Variants in NHEJ1 observed in about 807,000 individuals in gnomAD.
The protein encoded by NHEJ1 is non-homologous end-joining factor 1.
NHEJ1 carries 22 observed loss-of-function variants against 39.4 expected under a neutral mutation model. The ratio of observed to expected loss-of-function variants is 0.56; its 90% CI spans 0.40 to 0.80. The LOEUF is 0.80. NHEJ1 is among the 30% of genes least tolerant of loss of function. The probability of loss-of-function intolerance (pLI) is 0.00; values close to 1 mark genes in which losing one functional copy is unlikely to be tolerated. For missense variants in NHEJ1, 329 were observed against 357.1 expected, an observed-to-expected ratio of 0.92 and a Z score of 0.63; for synonymous variants, 154 against 135.6, an observed-to-expected ratio of 1.14 and a Z score of -0.94.
At chr2:219,079,903 G>A (rs1319428510) in intron 5 of NHEJ1, among the ~76,000 whole-genome samples, 3 of 152,154 alleles carry the variant, frequency 2.0e-5, no homozygotes, top group Non-Finnish European at 4.4e-5. Context: ...CTCTCTTAGG[G>A]TCACTCATAC....
At chr2:219,095,024 C>T (rs567317875) in intron 5 of NHEJ1, among the ~76,000 whole-genome samples, 10 of 152,260 alleles carry the variant, frequency 6.6e-5, no homozygotes, top group African/African-American at 2.2e-4. Flanking sequence ...TAACAACACC[C>T]CACTCCATCC....
At chr2:219,151,120 C>T (rs1949791282) in intron 3 of NHEJ1, among the ~76,000 whole-genome samples, 1 of 132,060 alleles carries the variant, frequency 7.6e-6, no homozygotes, top group African/African-American at 3.0e-5. Flanking sequence ...AGAGTGAGAC[C>T]TTATCTCAAA....
At chr2:219,095,508 A>T (rs1249635208) in intron 5 of NHEJ1, among the ~76,000 whole-genome samples, 2 of 152,202 alleles carry the variant, frequency 1.3e-5, no homozygotes, top group African/African-American at 4.8e-5. Flanking sequence ...CATTCCCCAT[A>T]TAACTGAAAC....
intron 5 of NHEJ1, among the ~76,000 whole-genome samples, chr2:219,131,195 T>C (rs1339970280): frequency 6.6e-6 from 1 of 151,938 alleles, no homozygotes; most frequent in South Asian, 2.1e-4. Context: ...GGGAGGGAAA[T>C]AGATACATGA....
intron 5 of NHEJ1, among the ~76,000 whole-genome samples, chr2:219,146,346 C>A (rs1949739241): frequency 6.6e-6 from 1 of 152,182 alleles, no homozygotes; most frequent in African/African-American, 2.4e-5. Flanking sequence ...ACAGTCCAGA[C>A]CTTACGACCA....
At chr2:219,085,365 C>T (rs1467132051) in intron 5 of NHEJ1, among the ~76,000 whole-genome samples, 1 of 152,216 alleles carries the variant, frequency 6.6e-6, no homozygotes, top group Non-Finnish European at 1.5e-5. Flanking sequence ...TTTGTCCTCA[C>T]AGAATACCCC....
intron 3 of NHEJ1, among the ~76,000 whole-genome samples, chr2:219,152,942 ACAGG>A (rs1949811795): frequency 6.6e-6 from 1 of 152,018 alleles, no homozygotes. Context: ...AGCTGAGATT[ACAGG>A]CATGCACCAC....
intron 5 of NHEJ1, among the ~76,000 whole-genome samples, chr2:219,137,570 CAAAAAAAAA>C (rs58279021): frequency 1.4e-4 from 5 of 34,728 alleles, no homozygotes; most frequent in Non-Finnish European, 2.5e-4. Flanking sequence ...GTGTTACAGG[CAAAAAAAAA>C]AAAAAAAAAA....
At chr2:219,141,918 T>C (rs1949695420) in intron 5 of NHEJ1, among the ~76,000 whole-genome samples, 1 of 152,058 alleles carries the variant, frequency 6.6e-6, no homozygotes, top group Non-Finnish European at 1.5e-5. Context: ...AAGATGGCAA[T>C]TTTCAAGTTA....
At chr2:219,157,136 T>C (rs73991401) in intron 3 of NHEJ1, among the ~76,000 whole-genome samples, 2,554 of 152,332 alleles carry the variant, frequency 0.017, 76 homozygotes, top group African/African-American at 0.058. Flanking sequence ...TCATACTTTA[T>C]CATAATTTCC....
At chr2:219,150,247 A>C (rs913483994) in intron 3 of NHEJ1, among the ~76,000 whole-genome samples, 16 of 152,216 alleles carry the variant, frequency 1.1e-4, no homozygotes, top group Admixed American at 6.5e-5. Flanking sequence ...GTGGGAAGAA[A>C]GGAAGTTAGT....
chr2:219,107,628 C>T (rs993651034), intron 5 of NHEJ1, among the ~76,000 whole-genome samples: 4 of 152,136 alleles, frequency 2.6e-5, no homozygotes, highest in Non-Finnish European at 5.9e-5. Flanking sequence ...CTTAGTTGCT[C>T]CATATGGACC....
intron 5 of NHEJ1, among the ~76,000 whole-genome samples, chr2:219,108,839 A>G (rs1559193077): frequency 6.6e-6 from 1 of 152,038 alleles, no homozygotes; most frequent in Non-Finnish European, 1.5e-5. Context: ...TTTCTAAGGT[A>G]TAAGAGTTAA....
rs984791249 is a variant in NHEJ1, at chr2:219,069,561, G to A, written c.*6820C>T. ...CACCAGAAAGACAACTTAGGAAATAGCTCCTGGCTGTGAGAACCTAAGAGG... is the reference window on the plus strand; with the variant it reads ...CACCAGAAAGACAACTTAGGAAATAACTCCTGGCTGTGAGAACCTAAGAGG... On this transcript the variant is annotated 3_prime_UTR_variant, in exon 8 of 8. Coordinates refer to ENST00000356853, the MANE Select transcript of NHEJ1 (RefSeq NM_024782.3). 6.6e-6 allele frequency: 1 copy of A among 152,190 alleles called. No homozygotes were observed. Among genetic ancestry groups the A allele is most frequent in the Non-Finnish European group, 1.5e-5 (1 of 68,046 alleles). 9.4% of individuals were successfully genotyped at this position (152,190 alleles called of 1,614,324 possible). A position where few individuals can be genotyped will look rare whatever the true frequency, so the allele number is the denominator to read the frequency against.
intron 5 of NHEJ1, among the ~76,000 whole-genome samples, chr2:219,081,904 T>C (rs182537158): frequency 1.3e-5 from 2 of 152,212 alleles, no homozygotes; most frequent in East Asian, 1.9e-4. Context: ...ATGTGTCTCA[T>C]GGGAAGCAAG....
chr2:219,118,538 A>C (rs1291102693), intron 5 of NHEJ1, among the ~76,000 whole-genome samples: 1 of 152,088 alleles, frequency 6.6e-6, no homozygotes, highest in Non-Finnish European at 1.5e-5. Context: ...GGCCAGACTG[A>C]GTCTGCTACA....
intron 3 of NHEJ1, among the ~76,000 whole-genome samples, chr2:219,153,101 C>A (rs1190150881): frequency 6.6e-6 from 1 of 152,120 alleles, no homozygotes; most frequent in Non-Finnish European, 1.5e-5. Context: ...CTGTGCCTGG[C>A]CCCAGCATCT....
intron 5 of NHEJ1, among the ~76,000 whole-genome samples, chr2:219,090,518 C>A (rs771416739): frequency 6.6e-6 from 1 of 152,174 alleles, no homozygotes; most frequent in Non-Finnish European, 1.5e-5. Flanking sequence ...AAGGATAAGA[C>A]AGGGTTCACT....
chr2:219,133,281 T>C (rs1348122365), intron 5 of NHEJ1, among the ~76,000 whole-genome samples: 1 of 152,256 alleles, frequency 6.6e-6, no homozygotes, highest in Non-Finnish European at 1.5e-5. Context: ...TTTGGGTATA[T>C]GGTTAAAATT....
Sources: allele counts gnomAD v4.1 joint callset (sites outside exome capture counted in the v4.1 genomes callset), GRCh38; gene constraint gnomAD v4.1.1; transcripts MANE v1.5; gene names NCBI Gene and HGNC (gene_info 2026-07-23, HGNC 2026-07-21).